The following NTSR1 variants were observed in gnomAD, a reference collection of about 807,000 sequenced individuals.
NTSR1 encodes the protein neurotensin receptor 1.
In NTSR1, 29 loss-of-function variants were observed where a neutral mutation model predicts 31.2. The ratio of observed to expected loss-of-function variants is 0.93; its 90% CI spans 0.69 to 1.27. NTSR1 has a LOEUF of 1.27. Among genes scored for constraint, NTSR1 ranks in the 50% most tolerant of loss-of-function variants. The pLI is 0.00. For missense variants in NTSR1, 697 were observed against 595.4 expected, an observed-to-expected ratio of 1.17 and a Z score of -1.78; for synonymous variants, 282 against 269.9, an observed-to-expected ratio of 1.04 and a Z score of -0.44.
At chr20:62,720,256 C>T (rs142276212) in intron 1 of NTSR1, among the ~76,000 whole-genome samples, 209 of 152,286 alleles carry the variant, frequency 1.4e-3, no homozygotes, top group African/African-American at 4.3e-3. Context: ...ACCGAGATCA[C>T]GCCACTGCAC....
At chr20:62,753,353 C>T (rs1162908011) in intron 1 of NTSR1, among the ~76,000 whole-genome samples, 6 of 152,210 alleles carry the variant, frequency 3.9e-5, no homozygotes, top group Non-Finnish European at 8.8e-5. Context: ...TTGTCCTCAC[C>T]GGGACCATCC....
At position 62,743,480 on chromosome 20, in the gene NTSR1, C is replaced by T. The variant is rs575728077; in HGVS notation, c.715-11205C>T. Among the ~76,000 whole-genome samples, 4 of 152,220 alleles carry T rather than the reference C, an allele frequency of 2.6e-5. No homozygotes were observed. The highest frequency in any genetic ancestry group is 6.5e-5 in the Admixed American group (1 of 15,306). ...GTCTGGGAGGTTAGAAAAGACCGTC[C>T]GTGAGCCTGGGCCCTGCTGGGGCTG... On this transcript the variant is annotated intron_variant, in intron 1 of 3. Transcript: ENST00000370501. The surrounding 1 kb of genome is among the most constrained non-coding windows in gnomAD (Gnocchi z 7.5).
At chr20:62,720,871 A>T (rs1016842528) in intron 1 of NTSR1, among the ~76,000 whole-genome samples, 1 of 152,286 alleles carries the variant, frequency 6.6e-6, no homozygotes, top group East Asian at 1.9e-4. Flanking sequence ...TTATATCTTG[A>T]GATTCCCTCT....
At chr20:62,724,398 A>G (rs1348320368) in intron 1 of NTSR1, among the ~76,000 whole-genome samples, 2 of 151,638 alleles carry the variant, frequency 1.3e-5, no homozygotes, top group Non-Finnish European at 2.9e-5. Flanking sequence ...CGAACCTGCC[A>G]CAGACTAGAA....
rs1989562953 is a variant in NTSR1 at position 62,758,945 on chromosome 20, C to G, written c.1007+589C>G. ...CACCCACTGCCTGGCAAAACCCCTA[C>G]TGTTTGCACCAACAGTTCAGGGGCA... is the stretch of plus-strand genomic sequence containing the variant. On this transcript the variant is annotated intron_variant, in intron 3 of 3. Transcript: ENST00000370501. The surrounding 1 kb of genome is among the most constrained non-coding windows in gnomAD (Gnocchi z 4.5). 6.6e-6 allele frequency among the ~76,000 whole-genome samples: 1 copy of G among 152,186 alleles called. No individual in the cohort carries two copies. The highest frequency in any genetic ancestry group is 1.5e-5 in the Non-Finnish European group (1 of 68,030).
intron 1 of NTSR1, among the ~76,000 whole-genome samples, chr20:62,750,255 C>T (rs1271501052): frequency 2.0e-5 from 3 of 152,152 alleles, no homozygotes; most frequent in Non-Finnish European, 2.9e-5. Context: ...AAGCCAAACT[C>T]GTGAAGACAG....
At chr20:62,738,745 G>A (rs1430121105) in intron 1 of NTSR1, among the ~76,000 whole-genome samples, 6 of 152,340 alleles carry the variant, frequency 3.9e-5, no homozygotes, top group Non-Finnish European at 7.3e-5. Flanking sequence ...CCAGGCTCAC[G>A]CTGGTCCTCG....
chr20:62,717,433 C>G (rs1988751350), intron 1 of NTSR1, among the ~76,000 whole-genome samples: 1 of 152,196 alleles, frequency 6.6e-6, no homozygotes, highest in Non-Finnish European at 1.5e-5. Context: ...TTGCCAGAAC[C>G]CAGGTTCAAA....
At chr20:62,727,092 C>T (rs1329895007) in intron 1 of NTSR1, among the ~76,000 whole-genome samples, 1 of 152,218 alleles carries the variant, frequency 6.6e-6, no homozygotes, top group African/African-American at 2.4e-5. Context: ...TCAAGGCCCT[C>T]CTGGAGTCCC....
chr20:62,717,100 C>A (rs2427405), intron 1 of NTSR1, among the ~76,000 whole-genome samples: 100,052 of 152,142 alleles, frequency 0.66, 35,745 homozygotes, highest in East Asian at 0.94. Context: ...AGGCGCCTGC[C>A]CCACCCTGGT....
chr20:62,761,492 C>T lies in NTSR1; in HGVS notation c.*1225C>T, dbSNP rs1214068988. 6.6e-6 allele frequency: 1 copy of T among 152,210 alleles called. No individual in the cohort carries two copies. Among genetic ancestry groups the T allele is most frequent in the Non-Finnish European group, 1.5e-5 (1 of 68,040 alleles). The allele number at this position is 152,210 out of a possible 1,614,324, so 9.4% of individuals were successfully genotyped here. On this transcript the variant is annotated 3_prime_UTR_variant, in exon 4 of 4. Transcript: ENST00000370501. Reference sequence around the variant, plus strand: ...TCCACAGAGCACATGACTAGCCAGGCCCCTGGCTTAAGAAGGTCGCCTAAG... The same window carrying T: ...TCCACAGAGCACATGACTAGCCAGGTCCCTGGCTTAAGAAGGTCGCCTAAG...
chr20:62,724,769 C>T (rs1988877582), intron 1 of NTSR1, among the ~76,000 whole-genome samples: 1 of 152,212 alleles, frequency 6.6e-6, no homozygotes, highest in Non-Finnish European at 1.5e-5. Flanking sequence ...GCCCACACTC[C>T]GCGGAGGCTC....
chr20:62,709,449 A>ACACGGTGACGGCGTT lies in NTSR1; in HGVS notation c.247_261dup (p.Val83_Thr87dup), dbSNP rs1261966441. The ACACGGTGACGGCGTT allele has an allele frequency of 6.2e-7, 1 of 1,612,576 alleles. No individual in the cohort carries two copies. Among genetic ancestry groups the ACACGGTGACGGCGTT allele is most frequent in the African/African-American group, 1.3e-5 (1 of 75,050 alleles). ...CTCTTCGTGGTGGGCACGGTGGGCA[A>ACACGGTGACGGCGTT]CACGGTGACGGCGTTCACGCTGGCG... On this transcript the variant is annotated inframe_insertion, in exon 1 of 4. Coordinates refer to ENST00000370501, the MANE Select transcript of NTSR1 (RefSeq NM_002531.3).
intron 1 of NTSR1, among the ~76,000 whole-genome samples, chr20:62,728,961 T>C (rs1040052629): frequency 1.3e-5 from 2 of 152,144 alleles, no homozygotes; most frequent in African/African-American, 4.8e-5. Flanking sequence ...CCTAAGACTG[T>C]CCCCTGACCC....
At chr20:62,722,266 A>T (rs959186756) in intron 1 of NTSR1, among the ~76,000 whole-genome samples, 1 of 152,154 alleles carries the variant, frequency 6.6e-6, no homozygotes, top group Non-Finnish European at 1.5e-5. Flanking sequence ...CACTTGGAAG[A>T]ACTCAGTGGG....
intron 1 of NTSR1, among the ~76,000 whole-genome samples, chr20:62,748,268 T>C (rs749035820): frequency 6.6e-6 from 1 of 151,316 alleles, no homozygotes; most frequent in East Asian, 1.9e-4. Flanking sequence ...GAATATAACA[T>C]GATGAAAGAA....
intron 1 of NTSR1, among the ~76,000 whole-genome samples, chr20:62,723,951 G>C (rs1988864261): frequency 6.6e-6 from 1 of 152,206 alleles, no homozygotes; most frequent in South Asian, 2.1e-4. Context: ...GCAGCCTCTG[G>C]GGCAGGAGGC....
chr20:62,718,237 G>A (rs1988769142), intron 1 of NTSR1, among the ~76,000 whole-genome samples: 1 of 152,262 alleles, frequency 6.6e-6, no homozygotes, highest in Non-Finnish European at 1.5e-5. Context: ...TGACTTACAC[G>A]TTAAAGGGAC....
rs1238816821 is a variant in NTSR1 at position 62,760,668 on chromosome 20, C to T, written c.*401C>T. On this transcript the variant is annotated 3_prime_UTR_variant, in exon 4 of 4. Coordinates refer to ENST00000370501, the MANE Select transcript of NTSR1 (RefSeq NM_002531.3). ...GCCTCCGGCGGCCCGGCTGCTGTTC[C>T]CATGTCCACATCTCTGAGGCCTGCA... is the stretch of plus-strand genomic sequence containing the variant. The T allele has an allele frequency of 5.6e-6, 1 of 178,334 alleles. No homozygotes were observed. The highest frequency in any genetic ancestry group is 1.2e-5 in the Non-Finnish European group (1 of 83,178). The allele number at this position is 178,334 out of a possible 1,614,324, so 11.0% of individuals were successfully genotyped here. A position where few individuals can be genotyped will look rare whatever the true frequency, so the allele number is the denominator to read the frequency against.
Sources: allele counts gnomAD v4.1 joint callset (sites outside exome capture counted in the v4.1 genomes callset), GRCh38; gene constraint gnomAD v4.1.1; non-coding constraint Gnocchi (gnomAD v3.1); transcripts MANE v1.5; gene names NCBI Gene and HGNC (gene_info 2026-07-23, HGNC 2026-07-21).